Variants in ELFN1 observed in about 807,000 individuals in gnomAD.
ELFN1 encodes the protein protein ELFN1.
A neutral mutation model predicts 7.6 loss-of-function variants in ELFN1; 6 were observed. The ratio of observed to expected loss-of-function variants is 0.79; its 90% CI spans 0.43 to 1.56. ELFN1 has a LOEUF of 1.56. Ranked by LOEUF, ELFN1 falls within the 40% of genes most tolerant of loss-of-function variation. The pLI, the probability that ELFN1 is intolerant of heterozygous loss-of-function variation, is 0.01. For missense variants in ELFN1, 1,169 were observed against 1,232.2 expected (o/e 0.95, Z 0.77); for synonymous variants, 657 against 588.1 (o/e 1.12, Z -1.70).
chr7:1,744,372 C>T lies in ELFN1; in HGVS notation c.-225C>T. On this transcript the variant is annotated 5_prime_UTR_variant, in exon 4 of 4. Transcript: ENST00000424383. ...CCCAGGCCCATGGGGCAGGAGGCCTCGGTCACCACAGGACTGGGGCGGAAG... is the reference window on the plus strand; with the variant it reads ...CCCAGGCCCATGGGGCAGGAGGCCTTGGTCACCACAGGACTGGGGCGGAAG... 1.9e-6 allele frequency: 1 copy of T among 517,986 alleles called. No individual in the cohort carries two copies. Among genetic ancestry groups the T allele is most frequent in the Non-Finnish European group, 3.3e-6 (1 of 300,608 alleles). The allele number at this position is 517,986 out of a possible 1,614,324, so 32.1% of individuals were successfully genotyped here.
intron 3 of ELFN1, among the ~76,000 whole-genome samples, chr7:1,711,902 C>A (rs893459728): frequency 1.3e-5 from 2 of 152,194 alleles, no homozygotes; most frequent in Non-Finnish European, 2.9e-5. Flanking sequence ...GCCCAGGAAC[C>A]CCCTGGCCTC....
intron 1 of ELFN1, among the ~76,000 whole-genome samples, chr7:1,679,230 G>T (rs1180651238): frequency 3.9e-5 from 6 of 152,128 alleles, no homozygotes; most frequent in Non-Finnish European, 1.5e-5. Context: ...CAAAAGAGCA[G>T]CCAGGGCTCT....
At chr7:1,741,737 C>T (rs984124017) in intron 3 of ELFN1, among the ~76,000 whole-genome samples, 70 of 152,156 alleles carry the variant, frequency 4.6e-4, no homozygotes, top group African/African-American at 1.6e-3. Flanking sequence ...TACAGACCCC[C>T]GTGCATGTGT....
At chr7:1,736,273 C>T (rs1385634013) in intron 3 of ELFN1, among the ~76,000 whole-genome samples, 1 of 148,120 alleles carries the variant, frequency 6.8e-6, no homozygotes, top group Non-Finnish European at 1.5e-5. Flanking sequence ...CTCCCCGCCT[C>T]CCCCACACGT....
intron 1 of ELFN1, among the ~76,000 whole-genome samples, chr7:1,676,885 G>C (rs562085850): frequency 6.6e-6 from 1 of 152,278 alleles, no homozygotes; most frequent in Admixed American, 6.5e-5. Context: ...TGGGGAGTTT[G>C]CAGCAGCTGA....
chr7:1,689,540 G>C (rs989862306), intron 2 of ELFN1, among the ~76,000 whole-genome samples: 1 of 152,204 alleles, frequency 6.6e-6, no homozygotes, highest in Non-Finnish European at 1.5e-5. Context: ...GGGCAGGCCT[G>C]GTTCCACCTT....
At chr7:1,684,462 T>A (rs962297157) in intron 1 of ELFN1, among the ~76,000 whole-genome samples, 13 of 152,302 alleles carry the variant, frequency 8.5e-5, no homozygotes, top group African/African-American at 2.4e-4. Flanking sequence ...CCATTCACAC[T>A]TAATGCAATT....
rs544433844 is a variant in ELFN1 at position 1,744,414 on chromosome 7, C to T, written c.-183C>T. The T allele has an allele frequency of 3.0e-5, 19 of 643,508 alleles. No homozygotes were observed. The highest frequency in any genetic ancestry group is 7.8e-5 in the African/African-American group (4 of 51,154). The allele number at this position is 643,508 out of a possible 1,614,324, so 39.9% of individuals were successfully genotyped here. A position where few individuals can be genotyped will look rare whatever the true frequency, so the allele number is the denominator to read the frequency against. ...GGGCGGAAGACGAGAGGCGGCCGGC[C>T]GTGAGGGAGGCGCCCTCCCTCCCCG... On this transcript the variant is annotated 5_prime_UTR_variant, in exon 4 of 4. Transcript: ENST00000424383.
At chr7:1,674,767 A>G (rs966854716) in intron 1 of ELFN1, among the ~76,000 whole-genome samples, 1 of 152,132 alleles carries the variant, frequency 6.6e-6, no homozygotes, top group African/African-American at 2.4e-5. Context: ...GTGCCCCCAC[A>G]TGAGGCTGGG....
At position 1,745,494 on chromosome 7, in the gene ELFN1, A is replaced by C; in HGVS notation, c.898A>C (p.Thr300Pro). 11 of 1,543,916 alleles carry C rather than the reference A, an allele frequency of 7.1e-6. No individual in the cohort carries two copies. The highest frequency in any genetic ancestry group is 9.6e-6 in the Non-Finnish European group (11 of 1,146,772). ...ADDECFSGDG[T>P]TPLVALPTLA... Reference sequence around the variant, plus strand: ...TGATGAGTGCTTCTCCGGGGACGGCACCACGCCACTGGTGGCCCTGCCCAC... The same window carrying C: ...TGATGAGTGCTTCTCCGGGGACGGCCCCACGCCACTGGTGGCCCTGCCCAC... Residue 300 changes from threonine to proline, a missense_variant, in exon 4 of 4, where the codon ACC becomes CCC. This residue lies in a region of ELFN1 where 914 missense variants were observed against 872.6 expected (regional missense o/e 1.05). Transcript: ENST00000424383.
chr7:1,717,641 TCAGA>T (rs1290862226), intron 3 of ELFN1, among the ~76,000 whole-genome samples: 1 of 152,042 alleles, frequency 6.6e-6, no homozygotes, highest in African/African-American at 2.4e-5. Flanking sequence ...CCTCAGAGAA[TCAGA>T]CAGATCAGAG....
chr7:1,683,033 G>A (rs1217174597), intron 1 of ELFN1, among the ~76,000 whole-genome samples: 2 of 152,128 alleles, frequency 1.3e-5, no homozygotes, highest in Non-Finnish European at 2.9e-5. Context: ...TTTATATGTT[G>A]TTGGTTTTGG....
rs1779092760 is a variant in ELFN1, at chr7:1,688,154, T to G, written c.-456+4T>G. 6.6e-6 allele frequency: 1 copy of G among 151,906 alleles called. No homozygotes were observed. Among genetic ancestry groups the G allele is most frequent in the Non-Finnish European group, 1.5e-5 (1 of 68,004 alleles). The allele number at this position is 151,906 out of a possible 1,614,324, so 9.4% of individuals were successfully genotyped here. On this transcript the variant is annotated splice_donor_region_variant and intron_variant, in intron 2 of 3. Coordinates refer to ENST00000424383, the MANE Select transcript of ELFN1 (RefSeq NM_001128636.4). The stretch of plus-strand genomic sequence containing the variant: ...TCCCAAAGTGCTGGGATTACAGGTA[T>G]GAGCCACTGCACCTGGCCCCATTTT...
intron 3 of ELFN1, among the ~76,000 whole-genome samples, chr7:1,730,905 A>G (rs59583515): frequency 0.087 from 13,212 of 152,258 alleles, 1,907 homozygotes; most frequent in African/African-American, 0.3. Context: ...TAGAAACCCA[A>G]GAGAAGCAAC....
Position 1,746,386 on chromosome 7 carries a change from C to G in ELFN1, c.1790C>G (p.Pro597Arg). The G allele has an allele frequency of 6.5e-7, 1 of 1,536,168 alleles. No individual in the cohort carries two copies. ...KSGPVSVAEP[P>R]LVLLSEPLAA... is the part of the protein sequence containing the mutation. ...GGGCCCGTGTCCGTCGCGGAGCCGC[C>G]GCTGGTGCTGCTGTCCGAGCCGCTG... is the stretch of plus-strand genomic sequence containing the variant. The change falls in exon 4 of 4, where the codon CCG becomes CGG. Residue 597 changes from proline to arginine, a missense_variant. Around this residue, in one of 2 missense-constraint regions of ELFN1, gnomAD observed 914 missense variants for 872.6 expected, o/e 1.05. Coordinates refer to ENST00000424383, the MANE Select transcript of ELFN1 (RefSeq NM_001128636.4).
rs781221517 is a variant in ELFN1, at chr7:1,746,838, C to G, written c.2242C>G (p.Leu748Val). 2.6e-5 allele frequency: 40 copies of G among 1,536,256 alleles called. No individual in the cohort carries two copies. Among genetic ancestry groups the G allele is most frequent in the Middle Eastern group, 3.3e-4 (2 of 5,980 alleles). Residue 748 changes from leucine to valine, a missense_variant, in exon 4 of 4, where the codon CTC becomes GTC. Transcript: ENST00000424383. ...ACTCACCCGGCCGCGGCCCCGCGAC[C>G]TCGCCTACTCGCAGCTGTCCCCGCA... ...EPLTRPRPRD[L>V]AYSQLSPQYH...
At chr7:1,707,192 G>C (rs1779552141) in intron 2 of ELFN1, among the ~76,000 whole-genome samples, 2 of 152,248 alleles carry the variant, frequency 1.3e-5, no homozygotes. Context: ...TCTGCTCACA[G>C]TGACACGGTG....
intron 2 of ELFN1, among the ~76,000 whole-genome samples, chr7:1,698,011 G>T (rs1010977072): frequency 2.6e-5 from 4 of 152,218 alleles, no homozygotes; most frequent in Admixed American, 6.5e-5. Context: ...AAGGCAGCAG[G>T]CTTGGAGAAG....
chr7:1,744,023 G>A (rs1016837732), intron 3 of ELFN1, among the ~76,000 whole-genome samples: 9 of 152,280 alleles, frequency 5.9e-5, no homozygotes, highest in South Asian at 2.1e-4. Context: ...GCAGTGCCCC[G>A]TCCATTTTGC....
Sources: allele counts gnomAD v4.1 joint callset (sites outside exome capture counted in the v4.1 genomes callset), GRCh38; gene constraint gnomAD v4.1.1; regional missense constraint gnomAD v4.1.1; transcripts MANE v1.5; gene names NCBI Gene and HGNC (gene_info 2026-07-23, HGNC 2026-07-21).